ABHD12: variants seen among roughly 807,000 people sequenced by gnomAD.
ABHD12 encodes abhydrolase domain containing 12, lysophospholipase.
Under a neutral mutation model 58.3 loss-of-function variants are expected in ABHD12, and 43 were observed. The observed-to-expected ratio is 0.74, with a 90% confidence interval of 0.58 to 0.95. The LOEUF is 0.95. Among genes scored for constraint, ABHD12 ranks in the 40% least tolerant of loss-of-function variants. The probability of loss-of-function intolerance (pLI) is 0.00; values close to 1 mark genes in which losing one functional copy is unlikely to be tolerated. For missense variants in ABHD12, 539 were observed against 537.2 expected, an observed-to-expected ratio of 1.00 and a Z score of -0.03; for synonymous variants, 219 against 211.2, an observed-to-expected ratio of 1.04 and a Z score of -0.32.
At chr20:25,328,972 C>T (rs892831109) in intron 2 of ABHD12, among the ~76,000 whole-genome samples, 5 of 152,172 alleles carry the variant, frequency 3.3e-5, no homozygotes, top group African/African-American at 1.2e-4. Flanking sequence ...GCAGAAATGC[C>T]TCAAAGTGAG....
intron 5 of ABHD12, among the ~76,000 whole-genome samples, chr20:25,315,265 T>A (rs1159023101): frequency 6.6e-6 from 1 of 151,950 alleles, no homozygotes; most frequent in East Asian, 1.9e-4. Flanking sequence ...CCACTCGTGC[T>A]GCAGGGCAGC....
intron 2 of ABHD12, among the ~76,000 whole-genome samples, chr20:25,329,428 A>ACTGTC (rs1473891557): frequency 9.3e-5 from 14 of 151,162 alleles, no homozygotes; most frequent in African/African-American, 3.2e-4. Flanking sequence ...CCCAGTTTTC[A>ACTGTC]CTGTCCACCC....
intron 1 of ABHD12, among the ~76,000 whole-genome samples, chr20:25,373,131 T>C (rs1272540252): frequency 2.0e-5 from 3 of 152,196 alleles, no homozygotes; most frequent in Non-Finnish European, 4.4e-5. Flanking sequence ...TTTGTGTAAA[T>C]ACACTCTGAT....
In ABHD12 at chr20:25,309,463, G is replaced by T. The variant is rs2088808403; in HGVS notation, c.732C>A (p.Gly244=). 6.2e-7 allele frequency: 1 copy of T among 1,614,138 alleles called. No homozygotes were observed. Residue 244 remains glycine, a synonymous_variant, in exon 7 of 13, where the codon GGC becomes GGA. Coordinates refer to ENST00000339157, the MANE Select transcript of ABHD12 (RefSeq NM_001042472.3). The part of the protein sequence containing the change: ...RSGDNPVYIW[G]HSLGTGVATN... ...TCCCTTACCCAGTGCCCAGAGAGTG[G>T]CCCCAGATGTACACGGGGTTGTCAC...
chr20:25,320,518 C>A (rs1226012723), intron 3 of ABHD12, among the ~76,000 whole-genome samples, 200 bp from the exon 4 acceptor site: 1 of 152,238 alleles, frequency 6.6e-6, no homozygotes, highest in Non-Finnish European at 1.5e-5. Context: ...GAACTGCAGG[C>A]TGTGTGGATG....
chr20:25,326,100 G>T (rs1047154403), intron 2 of ABHD12, among the ~76,000 whole-genome samples: 3 of 135,150 alleles, frequency 2.2e-5, no homozygotes, highest in African/African-American at 8.1e-5. Flanking sequence ...AAAAAGAAAG[G>T]AAAGAAGTGA....
At chr20:25,314,155 TAG>T (rs1306259014) in intron 6 of ABHD12, among the ~76,000 whole-genome samples, 1 of 152,026 alleles carries the variant, frequency 6.6e-6, no homozygotes, top group Non-Finnish European at 1.5e-5. Context: ...GTATTTTCAG[TAG>T]AGATGGGGTT....
intron 1 of ABHD12, among the ~76,000 whole-genome samples, chr20:25,347,583 G>C (rs181219081): frequency 6.6e-6 from 1 of 152,178 alleles, no homozygotes; most frequent in Admixed American, 6.5e-5. Context: ...CCAGCACTTT[G>C]AGTGGCCAAG....
At chr20:25,314,678 TAAAA>T (rs767083258) in intron 6 of ABHD12, among the ~76,000 whole-genome samples, 2 of 134,360 alleles carry the variant, frequency 1.5e-5, no homozygotes, top group African/African-American at 2.7e-5. Flanking sequence ...GATCCTATCT[TAAAA>T]AAAAAAAAAA....
At position 25,303,595 on chromosome 20, in the gene ABHD12, C is replaced by T. The variant is rs766105406; in HGVS notation, c.984G>A (p.Leu328=). ...VKHISCPLLI[L]HAEDDPVVPF... ...GCACCACCGGGTCGTCCTCAGCGTG[C>T]AGGATGAGCAGGGGACAGGAGATGT... The change falls in exon 11 of 13, where the codon CTG becomes CTA. Residue 328 remains leucine (L), a synonymous_variant. Transcript: ENST00000339157. 3 of 1,613,710 alleles carry T rather than the reference C, an allele frequency of 1.9e-6. No individual in the cohort carries two copies. Among genetic ancestry groups the T allele is most frequent in the Non-Finnish European group, 2.5e-6 (3 of 1,180,002 alleles).
rs940455959 is a variant in ABHD12 at position 25,317,040 on chromosome 20, G to A, written c.573+8C>T. On this transcript the variant is annotated splice_region_variant and intron_variant, in intron 5 of 12. Transcript: ENST00000339157. ...CAGGGAACAGGTGTGGGTGCTGCCT[G>A]CACTCACCTTGTAAAGCTCCACGCG... is the stretch of plus-strand genomic sequence containing the variant. 35 of 1,612,398 alleles carry A rather than the reference G, an allele frequency of 2.2e-5. No homozygotes were observed. The South Asian group carries it at 3.1e-4, about 14-fold the overall frequency.
intron 1 of ABHD12, among the ~76,000 whole-genome samples, chr20:25,372,459 C>A (rs1362573606): frequency 1.3e-5 from 2 of 152,120 alleles, no homozygotes; most frequent in Admixed American, 1.3e-4. Flanking sequence ...TCCATCTTGG[C>A]CTCCCAAAGT....
intron 1 of ABHD12, among the ~76,000 whole-genome samples, chr20:25,357,653 T>C (rs534839484): frequency 6.6e-6 from 1 of 152,112 alleles, no homozygotes; most frequent in Non-Finnish European, 1.5e-5. Flanking sequence ...ATGCAACATA[T>C]ATATAAAAGG....
chr20:25,368,132 ACAAGGAAAACATGGAACC>A, intron 1 of ABHD12: 1 of 706,298 alleles, frequency 1.4e-6, no homozygotes, highest in Non-Finnish European at 2.4e-6. Context: ...ACGGAAGGGA[ACAAGGAAAACATGGAACC>A]CAAAGGGAAC....
intron 1 of ABHD12, among the ~76,000 whole-genome samples, chr20:25,359,771 T>C (rs896085840): frequency 6.6e-6 from 1 of 152,116 alleles, no homozygotes; most frequent in South Asian, 2.1e-4. Flanking sequence ...GGTTTCACCA[T>C]GTTGGCCAGA....
chr20:25,366,360 C>T (rs912990488), intron 1 of ABHD12, among the ~76,000 whole-genome samples: 3 of 151,874 alleles, frequency 2.0e-5, no homozygotes, highest in Non-Finnish European at 4.4e-5. Context: ...ACCGCAACCT[C>T]CACCTCCCAG....
chr20:25,343,576 G>A (rs965189977), intron 1 of ABHD12, among the ~76,000 whole-genome samples: 9 of 152,182 alleles, frequency 5.9e-5, no homozygotes, highest in South Asian at 2.1e-4. Flanking sequence ...AGGCCAAGAC[G>A]GGTGGATGAC....
At chr20:25,390,477 G>GCGC in intron 1 of ABHD12, 36 bp downstream of exon 1, 2 of 98,528 alleles carry the variant, frequency 2.0e-5, no homozygotes, top group Non-Finnish European at 2.7e-5. Context: ...TGAGGGACCG[G>GCGC]CCCCCCCCCC....
At chr20:25,369,519 G>A (rs1224860373) in intron 1 of ABHD12, among the ~76,000 whole-genome samples, 1 of 152,036 alleles carries the variant, frequency 6.6e-6, no homozygotes, top group Admixed American at 6.6e-5. Flanking sequence ...AAGGCTTTAG[G>A]GTTTGCTGCA....
Sources: gnomAD v4.1 joint callset for allele counts (sites outside exome capture counted in the v4.1 genomes callset) on GRCh38, gnomAD v4.1.1 for gene constraint, MANE v1.5 for transcripts, NCBI Gene and HGNC (gene_info 2026-07-23, HGNC 2026-07-21) for gene names.